The following NFIA variants were observed in gnomAD, a reference collection of about 807,000 sequenced individuals.
NFIA encodes nuclear factor I A.
NFIA carries 8 observed loss-of-function variants against 62.8 expected under a neutral mutation model. That is an observed-to-expected ratio of 0.13 (90% CI 0.07 to 0.23). NFIA has a LOEUF of 0.23. Among genes scored for constraint, NFIA ranks in the 10% least tolerant of loss-of-function variants. The probability of loss-of-function intolerance (pLI) is 1.00; values close to 1 mark genes in which losing one functional copy is unlikely to be tolerated. For missense variants in NFIA, 410 were observed against 642.1 expected (o/e 0.64, Z 3.91); for synonymous variants, 235 against 238.1 (o/e 0.99, Z 0.12).
intron 2 of NFIA, among the ~76,000 whole-genome samples, chr1:61,214,428 G>A (rs1307028583): frequency 6.6e-6 from 1 of 152,128 alleles, no homozygotes; most frequent in Non-Finnish European, 1.5e-5. Flanking sequence ...GTGGTGCTTG[G>A]CTGATGGAAG....
At chr1:61,277,434 T>C (rs1570497706) in intron 2 of NFIA, 86 bp from the exon 3 acceptor site, 2 of 1,247,572 alleles carry the variant, frequency 1.6e-6, no homozygotes, top group African/African-American at 1.5e-5. Flanking sequence ...AGTTTATAGG[T>C]TGAACCTTTT....
intron 2 of NFIA, among the ~76,000 whole-genome samples, chr1:61,265,308 C>T (rs924023308): frequency 2.6e-5 from 4 of 152,208 alleles, no homozygotes; most frequent in Non-Finnish European, 4.4e-5. Flanking sequence ...TTTTAAATAA[C>T]TTAGCACTGC....
intron 2 of NFIA, among the ~76,000 whole-genome samples, chr1:61,258,796 A>G (rs1319091381): frequency 1.3e-5 from 2 of 151,968 alleles, no homozygotes; most frequent in Non-Finnish European, 2.9e-5. Flanking sequence ...TGACATGATC[A>G]TGGCTCACTG....
intron 7 of NFIA, among the ~76,000 whole-genome samples, chr1:61,402,033 CTT>C (rs10636290): frequency 1.1e-5 from 1 of 94,566 alleles, no homozygotes; most frequent in Non-Finnish European, 1.9e-5. Flanking sequence ...ACTCATTTTT[CTT>C]TTTTTTTTTT....
At chr1:61,441,172 G>C (rs1557441442) in intron 10 of NFIA, among the ~76,000 whole-genome samples, 1 of 152,124 alleles carries the variant, frequency 6.6e-6, no homozygotes, top group African/African-American at 2.4e-5. Flanking sequence ...TTTTACAAAG[G>C]TGTTTTATAA....
rs115833428 is a variant in NFIA at position 61,371,208 on chromosome 1, A to G, written c.946+11934A>G. On this transcript the variant is annotated intron_variant, in intron 6 of 10. Transcript: ENST00000403491. ...AGCAACACTTCATGTTCGAATGTCA[A>G]AATCCACGTGTAAGGCTTAAAAGTA... Among the ~76,000 whole-genome samples, 788 of 152,310 alleles carry G rather than the reference A, an allele frequency of 5.2e-3. 1 individual carries two copies. The highest frequency in any genetic ancestry group is 8.3e-3 in the Non-Finnish European group (562 of 68,018).
intron 5 of NFIA, among the ~76,000 whole-genome samples, chr1:61,355,147 C>T (rs1015830658): frequency 3.3e-5 from 5 of 152,106 alleles, no homozygotes; most frequent in African/African-American, 1.2e-4. Flanking sequence ...GCTAGAAATA[C>T]AAGAAAAAAT....
intron 9 of NFIA, 100 bp downstream of exon 9, chr1:61,406,827 G>A: frequency 7.7e-7 from 1 of 1,297,332 alleles, no homozygotes; most frequent in Non-Finnish European, 1.0e-6. Flanking sequence ...CTAGAAAGAG[G>A]CACAGATCCC....
At chr1:61,234,622 G>A (rs912996298) in intron 2 of NFIA, among the ~76,000 whole-genome samples, 1 of 151,998 alleles carries the variant, frequency 6.6e-6, no homozygotes, top group Non-Finnish European at 1.5e-5. Context: ...GCCCCTAATG[G>A]TTAGCTCTAG....
At chr1:61,406,792 G>A in intron 9 of NFIA, 65 bp downstream of exon 9, 2 of 1,471,390 alleles carry the variant, frequency 1.4e-6, no homozygotes, top group Non-Finnish European at 9.1e-7. Flanking sequence ...TCCACACTTA[G>A]GCTTTGTCCC....
chr1:61,131,434 G>T (rs1366616733), intron 2 of NFIA, among the ~76,000 whole-genome samples: 2 of 152,094 alleles, frequency 1.3e-5, no homozygotes, highest in East Asian at 3.9e-4. Flanking sequence ...GCATTTTAGT[G>T]CTGATGTGTG....
intron 9 of NFIA, among the ~76,000 whole-genome samples, chr1:61,421,738 G>A (rs1666630616): frequency 6.6e-6 from 1 of 152,108 alleles, no homozygotes; most frequent in Admixed American, 6.5e-5. Flanking sequence ...TATATGGAGG[G>A]GTGTTTGTTC....
intron 4 of NFIA, among the ~76,000 whole-genome samples, chr1:61,333,957 A>G (rs1299686097): frequency 6.6e-6 from 1 of 152,208 alleles, no homozygotes; most frequent in Non-Finnish European, 1.5e-5. Context: ...CTGAGATCAC[A>G]CTACCACACT....
Position 61,455,654 on chromosome 1 carries a change from C to T in NFIA, c.*334C>T, listed in dbSNP as rs1668270757. 2.6e-6 allele frequency: 1 copy of T among 384,586 alleles called. No homozygotes were observed. Among genetic ancestry groups the T allele is most frequent in the Middle Eastern group, 6.6e-4 (1 of 1,504 alleles). 23.8% of individuals were successfully genotyped at this position (384,586 alleles called of 1,614,324 possible). ...TGGCTAGCGGAGGACTACCCTTGCT[C>T]ACTGACTTCCTGTTGTAACACACTT... On this transcript the variant is annotated 3_prime_UTR_variant, in exon 11 of 11. Coordinates refer to ENST00000403491, the MANE Select transcript of NFIA (RefSeq NM_001134673.4).
intron 2 of NFIA, among the ~76,000 whole-genome samples, chr1:61,151,842 G>A (rs1210737550): frequency 6.6e-6 from 1 of 152,066 alleles, no homozygotes. Context: ...TACTGAGGGC[G>A]GATGCTGATA....
At chr1:61,331,069 GC>G (rs1396769248) in intron 3 of NFIA, among the ~76,000 whole-genome samples, 11 of 152,234 alleles carry the variant, frequency 7.2e-5, no homozygotes, top group Non-Finnish European at 1.2e-4. Context: ...GCTTACCAAA[GC>G]CAATTGAATA....
chr1:61,082,884 TG>T, intron 1 of NFIA, 66 bp downstream of exon 1: 4 of 547,838 alleles, frequency 7.3e-6, no homozygotes, highest in South Asian at 1.8e-5. Context: ...TGGGGCTGGG[TG>T]GGGGGCACCG....
At chr1:61,095,021 A>T in intron 2 of NFIA, among the ~76,000 whole-genome samples, 1 of 148,740 alleles carries the variant, frequency 6.7e-6, no homozygotes, top group Non-Finnish European at 1.5e-5. Flanking sequence ...GTATTTTGGC[A>T]AATCTTGGTC....
intron 2 of NFIA, among the ~76,000 whole-genome samples, chr1:61,168,259 TGG>T (rs1649717703): frequency 6.6e-6 from 1 of 152,188 alleles, no homozygotes. Context: ...ACTGCTTCTG[TGG>T]AAGTGCAAGC....
Sources: allele counts gnomAD v4.1 joint callset (sites outside exome capture counted in the v4.1 genomes callset), GRCh38; gene constraint gnomAD v4.1.1; transcripts MANE v1.5; gene names NCBI Gene and HGNC (gene_info 2026-07-23, HGNC 2026-07-21).